Variants in SNX30 observed in about 807,000 individuals in gnomAD.
The protein encoded by SNX30 is sorting nexin family member 30, also known as sorting nexin-30.
Under a neutral mutation model 46.4 loss-of-function variants are expected in SNX30, and 24 were observed. The observed-to-expected ratio is 0.52, with a 90% CI of 0.37 to 0.73. SNX30 has a LOEUF of 0.73. Ranked by LOEUF, SNX30 falls within the 30% of genes least tolerant of loss-of-function variation. The pLI, the probability that SNX30 is intolerant of heterozygous loss-of-function variation, is 0.00. For missense variants in SNX30, 533 were observed against 555.7 expected (o/e 0.96, Z 0.41); for synonymous variants, 189 against 211.5 (o/e 0.89, Z 0.92).
intron 2 of SNX30, among the ~76,000 whole-genome samples, chr9:112,806,268 C>G (rs1840223218): frequency 6.6e-6 from 1 of 152,006 alleles, no homozygotes; most frequent in Admixed American, 6.6e-5. Context: ...TTGAAAGCCA[C>G]ATATTTAGAG....
downstream of SNX30, chr9:112,875,128 A>G (rs1306994521): frequency 6.6e-6 from 1 of 152,312 alleles, no homozygotes; most frequent in African/African-American, 2.4e-5. Flanking sequence ...GAAAAAATAT[A>G]TATAATTGAA....
intron 2 of SNX30, among the ~76,000 whole-genome samples, chr9:112,808,574 C>G (rs1418640646): frequency 1.3e-5 from 2 of 152,012 alleles, no homozygotes; most frequent in Admixed American, 6.6e-5. Context: ...AGTTGAAACC[C>G]TTTTATTTTT....
intron 7 of SNX30, among the ~76,000 whole-genome samples, chr9:112,857,238 G>A (rs117516184): frequency 0.012 from 1,884 of 152,248 alleles, 12 homozygotes; most frequent in Non-Finnish European, 0.019. Context: ...ACTCCCCACT[G>A]ACCATTCTCT....
intron 2 of SNX30, among the ~76,000 whole-genome samples, chr9:112,809,720 G>C (rs557108493): frequency 1.2e-4 from 18 of 152,286 alleles, no homozygotes; most frequent in Non-Finnish European, 1.9e-4. Flanking sequence ...GTTGTGGTGT[G>C]AGCAGTTTCA....
chr9:112,810,511 G>A (rs1021360670), intron 2 of SNX30, among the ~76,000 whole-genome samples: 3 of 152,200 alleles, frequency 2.0e-5, no homozygotes, highest in Admixed American at 6.5e-5. Context: ...TGGATGGAAT[G>A]TCAAGGAACT....
At chr9:112,853,901 A>C (rs925095863) in intron 7 of SNX30, among the ~76,000 whole-genome samples, 7 of 152,246 alleles carry the variant, frequency 4.6e-5, no homozygotes, top group Admixed American at 4.6e-4. Context: ...TTTATGTGTC[A>C]GTTAAATATT....
At chr9:112,756,757 G>A (rs907083196) in intron 1 of SNX30, among the ~76,000 whole-genome samples, 7 of 152,132 alleles carry the variant, frequency 4.6e-5, no homozygotes, top group Non-Finnish European at 8.8e-5. Flanking sequence ...CACTGCGCTC[G>A]GCTCCTTCAC....
chr9:112,865,653 A>ATGTGTGTGTGTGTGTGTGTGTGTG (rs1219477432), intron 8 of SNX30, among the ~76,000 whole-genome samples: 3 of 110,448 alleles, frequency 2.7e-5, no homozygotes, highest in African/African-American at 3.8e-5. Context: ...ATATATATAT[A>ATGTGTGTGTGTGTGTGTGTGTGTG]TATATATATG....
At chr9:112,811,783 G>A (rs1840324310) in intron 2 of SNX30, among the ~76,000 whole-genome samples, 1 of 152,174 alleles carries the variant, frequency 6.6e-6, no homozygotes, top group African/African-American at 2.4e-5. Flanking sequence ...ACAAAATGAT[G>A]TAGTGGTTGT....
chr9:112,853,276 C>G (rs907993320), intron 7 of SNX30, among the ~76,000 whole-genome samples: 2 of 152,230 alleles, frequency 1.3e-5, no homozygotes, highest in Admixed American at 6.5e-5. Context: ...CCTCTGGTTC[C>G]TCCTGCCACA....
At chr9:112,771,036 A>G (rs1839640100) in intron 1 of SNX30, among the ~76,000 whole-genome samples, 1 of 152,158 alleles carries the variant, frequency 6.6e-6, no homozygotes, top group Non-Finnish European at 1.5e-5. Context: ...ACAAACTAGT[A>G]GCAGACCCCT....
At chr9:112,880,128 C>G (rs1002150844) in exon 5 of SNX30, 2 of 224,542 alleles carry the variant, frequency 8.9e-6, no homozygotes, top group Non-Finnish European at 1.7e-5. Flanking sequence ...GTCAGGAGTT[C>G]GAGACCAGCC....
At position 112,822,536 on chromosome 9, in the gene SNX30, G is replaced by GTTTTTTTTTTTTTTTTT. The variant is rs139781990; in HGVS notation, c.459+4725_459+4726insTTTTTTTTTTTTTTTTT. On this transcript the variant is annotated intron_variant, in intron 3 of 8. Transcript: ENST00000374232. ...TTTTCTTTTGTCCCTTTGCTGTTTT[G>GTTTTTTTTTTTTTTTTT]TTTTGTTTTTTTTTTTTGTAAGAAC... Among the ~76,000 whole-genome samples the GTTTTTTTTTTTTTTTTT allele has an allele frequency of 2.4e-5, 3 of 123,724 alleles. 1 individual carries two copies. Among genetic ancestry groups the GTTTTTTTTTTTTTTTTT allele is most frequent in the African/African-American group, 6.3e-5 (2 of 31,894 alleles). 81.2% of individuals were successfully genotyped at this position (123,724 alleles called of 152,430 possible). A position where few individuals can be genotyped will look rare whatever the true frequency, so the allele number is the denominator to read the frequency against.
chr9:112,792,913 A>C (rs889139596), intron 1 of SNX30, among the ~76,000 whole-genome samples: 1 of 149,106 alleles, frequency 6.7e-6, no homozygotes, highest in Non-Finnish European at 1.5e-5. Context: ...TAATGGGAAC[A>C]CAGAGTAAGT....
At chr9:112,753,702 G>A (rs553938102) in intron 1 of SNX30, among the ~76,000 whole-genome samples, 1 of 152,306 alleles carries the variant, frequency 6.6e-6, no homozygotes, top group South Asian at 2.1e-4. Context: ...AATATTTAAT[G>A]AATCTCCTAA....
At chr9:112,879,698 CCTT>C (rs1250920978), downstream of SNX30, 2 of 1,486,600 alleles carry the variant, frequency 1.3e-6, no homozygotes, top group East Asian at 2.3e-5. Flanking sequence ...TTCCCTGGTC[CCTT>C]CTTTTGTCTT....
At chr9:112,817,045 A>G (rs1406716319) in intron 2 of SNX30, among the ~76,000 whole-genome samples, 1 of 152,052 alleles carries the variant, frequency 6.6e-6, no homozygotes, top group Non-Finnish European at 1.5e-5. Context: ...TTATTTCTAG[A>G]TTTTTTCTTA....
At chr9:112,843,975 C>G (rs1343889420) in intron 6 of SNX30, among the ~76,000 whole-genome samples, 1 of 152,056 alleles carries the variant, frequency 6.6e-6, no homozygotes, top group African/African-American at 2.4e-5. Flanking sequence ...AGGGGGATGA[C>G]AGGATGTGAT....
rs941782140 is a variant in SNX30, at chr9:112,870,067, C to G, written c.*1224C>G. The stretch of plus-strand genomic sequence containing the variant: ...AGTCTCCTCAGTGTGCAGCCAGATT[C>G]CTGGGGACTGCTGAGTGTGGTTACA... On this transcript the variant is annotated 3_prime_UTR_variant, in exon 9 of 9. Coordinates refer to ENST00000374232, the MANE Select transcript of SNX30 (RefSeq NM_001012994.2). 1 of 152,168 alleles carries G rather than the reference C, an allele frequency of 6.6e-6. No individual in the cohort carries two copies. Among genetic ancestry groups the G allele is most frequent in the African/African-American group, 2.4e-5 (1 of 41,434 alleles). 9.4% of individuals were successfully genotyped at this position (152,168 alleles called of 1,614,324 possible). A position where few individuals can be genotyped will look rare whatever the true frequency, so the allele number is the denominator to read the frequency against.
Sources: gnomAD v4.1 joint callset for allele counts (sites outside exome capture counted in the v4.1 genomes callset) on GRCh38, gnomAD v4.1.1 for gene constraint, MANE v1.5 for transcripts, NCBI Gene and HGNC (gene_info 2026-07-23, HGNC 2026-07-21) for gene names.